Variants in SRGN observed in about 807,000 individuals in gnomAD.
SRGN encodes serglycin.
Under a neutral mutation model 9.5 loss-of-function variants are expected in SRGN, and 2 were observed. The observed-to-expected ratio is 0.21, with a 90% CI of 0.09 to 0.66. The LOEUF (loss-of-function observed/expected upper bound fraction) is 0.66, where lower values mean the gene tolerates loss of function less well. Among genes scored for constraint, SRGN ranks in the 30% least tolerant of loss-of-function variants. SRGN has a pLI of 0.83. For missense variants in SRGN, 170 were observed against 192.4 expected, an observed-to-expected ratio of 0.88 and a Z score of 0.69; for synonymous variants, 59 against 72.3, an observed-to-expected ratio of 0.82 and a Z score of 0.93.
intron 1 of SRGN, among the ~76,000 whole-genome samples, chr10:69,089,564 TG>T (rs1323802328): frequency 6.6e-6 from 1 of 152,074 alleles, no homozygotes; most frequent in Non-Finnish European, 1.5e-5. Context: ...AAAACTAGAA[TG>T]AAAACAAAAA....
chr10:69,103,852 T>A lies in SRGN; in HGVS notation c.228-19T>A. 1 of 1,608,616 alleles carries A rather than the reference T, an allele frequency of 6.2e-7. No individual in the cohort carries two copies. The highest frequency in any genetic ancestry group is 8.5e-7 in the Non-Finnish European group (1 of 1,176,258). Reference sequence around the variant, plus strand: ...TCAAACTCCACTGGTTTTTTTCCCATTTTTCTTTCATACTTCAGAAAGACG... The same window carrying A: ...TCAAACTCCACTGGTTTTTTTCCCAATTTTCTTTCATACTTCAGAAAGACG... On this transcript the variant is annotated intron_variant, in intron 2 of 2. Transcript: ENST00000242465.
At chr10:69,096,985 C>A (rs1263506724) in intron 1 of SRGN, 99 bp from the exon 2 acceptor site, 2 of 1,292,254 alleles carry the variant, frequency 1.5e-6, no homozygotes, top group Non-Finnish European at 2.1e-6. Flanking sequence ...CCGACTGAGA[C>A]CCTGTCTCGA....
upstream of SRGN, chr10:69,088,087 C>G: frequency 7.5e-7 from 1 of 1,327,874 alleles, no homozygotes; most frequent in African/African-American, 1.4e-5. Flanking sequence ...CTAAAAGGGA[C>G]AGAGAGCACC....
chr10:69,093,859 C>G (rs1468252282), intron 1 of SRGN, among the ~76,000 whole-genome samples: 1 of 151,980 alleles, frequency 6.6e-6, no homozygotes, highest in Non-Finnish European at 1.5e-5. Context: ...GAGCCAGACT[C>G]TATCTCAAAA....
intron 2 of SRGN, among the ~76,000 whole-genome samples, chr10:69,099,240 G>A (rs554155073): frequency 2.0e-5 from 3 of 151,864 alleles, no homozygotes; most frequent in East Asian, 3.9e-4. Context: ...CTCAAAGCCA[G>A]GGTTAATCAT....
intron 1 of SRGN, among the ~76,000 whole-genome samples, chr10:69,096,226 A>G (rs1419915161): frequency 6.6e-6 from 1 of 152,180 alleles, no homozygotes; most frequent in Non-Finnish European, 1.5e-5. Flanking sequence ...ACTCATCTCT[A>G]TGAAAAGATG....
At chr10:69,099,428 G>A (rs1840245546) in intron 2 of SRGN, among the ~76,000 whole-genome samples, 1 of 151,186 alleles carries the variant, frequency 6.6e-6, no homozygotes, top group Non-Finnish European at 1.5e-5. Flanking sequence ...AGCCTCCCAA[G>A]TAGCGGGACC....
At chr10:69,102,028 A>G (rs1270471783) in intron 2 of SRGN, among the ~76,000 whole-genome samples, 1 of 152,004 alleles carries the variant, frequency 6.6e-6, no homozygotes, top group Admixed American at 6.5e-5. Flanking sequence ...CAGCCTGCAC[A>G]ACAGAAGGAG....
chr10:69,101,913 G>T (rs548848196), intron 2 of SRGN, among the ~76,000 whole-genome samples: 1 of 152,242 alleles, frequency 6.6e-6, no homozygotes, highest in Admixed American at 6.5e-5. Context: ...GCCGGGCGTT[G>T]TGACTCATGC....
At chr10:69,092,581 G>T (rs1840086454) in intron 1 of SRGN, among the ~76,000 whole-genome samples, 1 of 152,092 alleles carries the variant, frequency 6.6e-6, no homozygotes, top group African/African-American at 2.4e-5. Flanking sequence ...ATCACTTGAG[G>T]TCAAGAGTTT....
Position 69,090,568 on chromosome 10 carries a change from T to G in SRGN, c.79+2332T>G, listed in dbSNP as rs560786886. Among the ~76,000 whole-genome samples the G allele has an allele frequency of 1.2e-4, 19 of 152,300 alleles. No individual in the cohort carries two copies. The East Asian group carries it at 3.7e-3, about 29-fold the overall frequency. ...ACATGGCCTTTCCTCCATGCATCCG[T>G]GTCTTAATACCATCTTCTTAGAGGG... On this transcript the variant is annotated intron_variant, in intron 1 of 2. Transcript: ENST00000242465.
At chr10:69,093,155 G>A (rs1840100695) in intron 1 of SRGN, among the ~76,000 whole-genome samples, 3 of 152,146 alleles carry the variant, frequency 2.0e-5, no homozygotes, top group Non-Finnish European at 4.4e-5. Context: ...TGTCCAGTAC[G>A]GTAGCCACAA....
chr10:69,097,109 C>T lies in SRGN; in HGVS notation c.105C>T (p.Tyr35=). Residue 35 remains tyrosine, a synonymous_variant, in exon 2 of 3, where the codon TAC becomes TAT. Coordinates refer to ENST00000242465, the MANE Select transcript of SRGN (RefSeq NM_002727.4). ...VQGYPTRRAR[Y]QWVRCNPDSN... is the part of the protein sequence containing the mutation. ...GTTATCCTACGCGGAGAGCCAGGTA[C>T]CAATGGGTGCGCTGCAATCCAGACA... The T allele has an allele frequency of 6.2e-7, 1 of 1,614,104 alleles. No individual in the cohort carries two copies. The highest frequency in any genetic ancestry group is 8.5e-7 in the Non-Finnish European group (1 of 1,179,968).
chr10:69,104,124 A>AG lies in SRGN; in HGVS notation c.*6dup. ...AGAAGAGGATTTTATGTTATAAAAG[A>AG]GGATTTTCCCACCTTGACACCAGGC... On this transcript the variant is annotated 3_prime_UTR_variant, in exon 3 of 3. Coordinates refer to ENST00000242465, the MANE Select transcript of SRGN (RefSeq NM_002727.4). 1.2e-6 allele frequency: 2 copies of AG among 1,611,054 alleles called. No homozygotes were observed. Among genetic ancestry groups the AG allele is most frequent in the Non-Finnish European group, 1.7e-6 (2 of 1,177,406 alleles).
chr10:69,094,761 A>T (rs1360726299), intron 1 of SRGN, among the ~76,000 whole-genome samples: 1 of 151,698 alleles, frequency 6.6e-6, no homozygotes, highest in East Asian at 1.9e-4. Flanking sequence ...GCTAATTTTT[A>T]AAATCTTTTT....
At chr10:69,096,066 T>C (rs145064657) in intron 1 of SRGN, among the ~76,000 whole-genome samples, 7 of 152,314 alleles carry the variant, frequency 4.6e-5, no homozygotes, top group African/African-American at 1.7e-4. Context: ...AGACTTGTTC[T>C]TGTGAAATCT....
intron 1 of SRGN, 86 bp from the exon 2 acceptor site, chr10:69,096,998 A>T: frequency 6.9e-7 from 1 of 1,451,562 alleles, no homozygotes; most frequent in Non-Finnish European, 9.3e-7. Context: ...TGTCTCGAAA[A>T]AAAAATAAAA....
intron 1 of SRGN, among the ~76,000 whole-genome samples, chr10:69,095,641 T>G (rs924539169): frequency 7.2e-5 from 11 of 152,202 alleles, no homozygotes; most frequent in Admixed American, 6.5e-4. Flanking sequence ...CCGGGCATGG[T>G]GGCTCACGCC....
intron 2 of SRGN, among the ~76,000 whole-genome samples, chr10:69,102,655 C>G (rs1010548142): frequency 6.6e-6 from 1 of 152,100 alleles, no homozygotes; most frequent in Admixed American, 6.6e-5. Flanking sequence ...ATTGCTCTGG[C>G]CATTTTGTGC....
Sources: gnomAD v4.1 joint callset for allele counts (sites outside exome capture counted in the v4.1 genomes callset) on GRCh38, gnomAD v4.1.1 for gene constraint, MANE v1.5 for transcripts, NCBI Gene and HGNC (gene_info 2026-07-23, HGNC 2026-07-21) for gene names.